MCPH1: variants seen among roughly 807,000 people sequenced by gnomAD.
MCPH1 encodes microcephalin.
In MCPH1, 104 loss-of-function variants were observed where a neutral mutation model predicts 84.5. The ratio of observed to expected loss-of-function variants is 1.23; its 90% CI spans 1.05 to 1.45. The LOEUF (loss-of-function observed/expected upper bound fraction) is 1.45. Ranked by LOEUF, MCPH1 falls within the 40% of genes most tolerant of loss-of-function variation. The probability of loss-of-function intolerance (pLI) is 0.00; values close to 1 mark genes in which losing one functional copy is unlikely to be tolerated. For synonymous variants in MCPH1, 514 were observed against 366.8 expected (o/e 1.40, Z -4.58); for missense variants, 1,498 against 1,005.7 (o/e 1.49, Z -6.62).
chr8:6,616,533 GT>G (rs1370354286), intron 12 of MCPH1: 1 of 152,232 alleles, frequency 6.6e-6, no homozygotes, highest in African/African-American at 2.4e-5. Context: ...AGCCAATGTG[GT>G]TTAAGGCAAA....
chr8:6,546,251 A>G (rs1354551279), intron 12 of MCPH1, among the ~76,000 whole-genome samples: 2 of 152,264 alleles, frequency 1.3e-5, no homozygotes, highest in African/African-American at 4.8e-5. Context: ...GACAGTCTGA[A>G]TATTCAAGGG....
At chr8:6,596,792 A>T (rs187210257) in intron 12 of MCPH1, among the ~76,000 whole-genome samples, 1 of 152,334 alleles carries the variant, frequency 6.6e-6, no homozygotes, top group East Asian at 1.9e-4. Context: ...TTTTCTGCTG[A>T]AATTGATAGC....
intron 12 of MCPH1, among the ~76,000 whole-genome samples, chr8:6,533,533 G>T (rs1819923210): frequency 7.0e-6 from 1 of 143,004 alleles, no homozygotes; most frequent in Admixed American, 7.0e-5. Flanking sequence ...TAAAGTCATT[G>T]TGTATGCGTA....
chr8:6,542,073 C>G (rs1333947148), intron 12 of MCPH1, among the ~76,000 whole-genome samples: 1 of 151,444 alleles, frequency 6.6e-6, no homozygotes, highest in Non-Finnish European at 1.5e-5. Flanking sequence ...AAATTTAGCT[C>G]TAGGAATGAG....
At chr8:6,459,453 T>C (rs1363571044) in intron 9 of MCPH1, among the ~76,000 whole-genome samples, 1 of 152,178 alleles carries the variant, frequency 6.6e-6, no homozygotes, top group Non-Finnish European at 1.5e-5. Flanking sequence ...TAAGGACATA[T>C]TAAGGTATTA....
chr8:6,553,759 C>G (rs1233181660), intron 12 of MCPH1, among the ~76,000 whole-genome samples: 2 of 151,984 alleles, frequency 1.3e-5, no homozygotes, highest in African/African-American at 4.8e-5. Context: ...TGGCAGTTTC[C>G]CCATCCCCTT....
intron 10 of MCPH1, among the ~76,000 whole-genome samples, chr8:6,479,758 G>C (rs1808953071): frequency 6.6e-6 from 1 of 152,110 alleles, no homozygotes. Flanking sequence ...TTATAAAAGG[G>C]AAGAAAGAAC....
intron 1 of MCPH1, 94 bp downstream of exon 1, chr8:6,406,783 C>T: frequency 7.3e-7 from 1 of 1,370,956 alleles, no homozygotes; most frequent in East Asian, 2.3e-5. Flanking sequence ...TGGGAGGAGC[C>T]CCGCTCGCCC....
chr8:6,456,151 T>G (rs998049556), intron 9 of MCPH1, among the ~76,000 whole-genome samples: 6 of 152,154 alleles, frequency 3.9e-5, no homozygotes, highest in Non-Finnish European at 7.4e-5. Context: ...CTTTCTGGTT[T>G]GTCTCGGAAA....
chr8:6,570,803 GTTTTT>G (rs10548398), intron 12 of MCPH1, among the ~76,000 whole-genome samples: 17,180 of 108,724 alleles, frequency 0.16, 1,575 homozygotes, highest in African/African-American at 0.31. Flanking sequence ...ATGGATTGTT[GTTTTT>G]TTTTTTTTTT....
At chr8:6,409,936 GAGA>G in intron 2 of MCPH1, among the ~76,000 whole-genome samples, 1 of 152,122 alleles carries the variant, frequency 6.6e-6, no homozygotes, top group South Asian at 2.1e-4. Context: ...AGAATGCCAG[GAGA>G]AGGAGAAAGG....
At chr8:6,488,261 C>T (rs1315598299) in intron 11 of MCPH1, among the ~76,000 whole-genome samples, 1 of 152,230 alleles carries the variant, frequency 6.6e-6, no homozygotes, top group Admixed American at 6.5e-5. Context: ...GCGCATTTCC[C>T]AGGTTGGAGC....
chr8:6,471,404 TACTC>T (rs922039368), intron 9 of MCPH1, among the ~76,000 whole-genome samples: 7 of 152,284 alleles, frequency 4.6e-5, no homozygotes, highest in South Asian at 4.1e-4. Context: ...AAAAAAATGA[TACTC>T]AATTACAGTT....
intron 12 of MCPH1, among the ~76,000 whole-genome samples, chr8:6,612,291 T>A (rs1055125032): frequency 6.7e-6 from 1 of 149,202 alleles, no homozygotes; most frequent in African/African-American, 2.4e-5. Context: ...TTCTGCCTAT[T>A]TAAGCCAAGC....
At chr8:6,612,757 C>T (rs1271818576) in intron 12 of MCPH1, among the ~76,000 whole-genome samples, 10 of 152,208 alleles carry the variant, frequency 6.6e-5, no homozygotes, top group African/African-American at 2.4e-4. Flanking sequence ...TGCTCCTTCT[C>T]CCAGCTGGTG....
At chr8:6,408,949 A>C (rs2120483) in intron 1 of MCPH1, among the ~76,000 whole-genome samples, 1 of 151,232 alleles carries the variant, frequency 6.6e-6, no homozygotes, top group Non-Finnish European at 1.5e-5. Flanking sequence ...GCAATGGCGC[A>C]ATCTCGGCTC....
intron 12 of MCPH1, among the ~76,000 whole-genome samples, chr8:6,537,528 G>A (rs969020538): frequency 1.7e-4 from 25 of 147,406 alleles, no homozygotes; most frequent in African/African-American, 6.0e-4. Flanking sequence ...CAACCAGGAT[G>A]AAATATTTTA....
intron 11 of MCPH1, among the ~76,000 whole-genome samples, chr8:6,486,695 C>G (rs1809971819): frequency 6.6e-6 from 1 of 152,156 alleles, no homozygotes; most frequent in South Asian, 2.1e-4. Flanking sequence ...TCCTTCATGA[C>G]TGAATTGTCT....
intron 13 of MCPH1, among the ~76,000 whole-genome samples, chr8:6,622,975 G>T (rs996951089): frequency 6.6e-6 from 1 of 150,928 alleles, no homozygotes; most frequent in African/African-American, 2.4e-5. Flanking sequence ...CAAGTAGCTG[G>T]AACTACAGGT....
Sources: gnomAD v4.1 joint callset for allele counts (sites outside exome capture counted in the v4.1 genomes callset) on GRCh38, gnomAD v4.1.1 for gene constraint, MANE v1.5 for transcripts, NCBI Gene and HGNC (gene_info 2026-07-23, HGNC 2026-07-21) for gene names.